PDE4DIP: variants seen among roughly 807,000 people sequenced by gnomAD.
PDE4DIP encodes the protein myomegalin.
In PDE4DIP, 59 loss-of-function variants were observed where a neutral mutation model predicts 221.4. The observed-to-expected ratio is 0.27, with a 90% CI of 0.22 to 0.33. The LOEUF (loss-of-function observed/expected upper bound fraction) is 0.33, where lower values mean the gene tolerates loss of function less well. Among genes scored for constraint, PDE4DIP ranks in the 10% least tolerant of loss-of-function variants. The pLI, the probability that PDE4DIP is intolerant of heterozygous loss-of-function variation, is 1.00. For missense variants in PDE4DIP, 1,036 were observed against 2,154.2 expected (o/e 0.48, Z 10.28); for synonymous variants, 404 against 815.9 (o/e 0.50, Z 8.60).
At chr1:148,961,690 A>G in intron 6 of PDE4DIP, 147 bp from the exon 10 acceptor site, 1 of 550,466 alleles carries the variant, frequency 1.8e-6, no homozygotes, top group Non-Finnish European at 3.3e-6. Flanking sequence ...TTGACTTACC[A>G]CTTTAATGGT....
At chr1:148,890,197 T>TCACCTTG (rs1553435390) in intron 1 of PDE4DIP, among the ~76,000 whole-genome samples, 428 of 49,070 alleles carry the variant, frequency 8.7e-3, no homozygotes, top group South Asian at 0.025. Flanking sequence ...TGGTTTAAAA[T>TCACCTTG]GTAGATTCCA....
At chr1:149,016,259 A>T (rs1553610487) in intron 32 of PDE4DIP, 40 bp from the exon 36 acceptor site, 1 of 1,606,484 alleles carries the variant, frequency 6.2e-7, no homozygotes, top group East Asian at 2.2e-5. Flanking sequence ...TTCCCTTCTG[A>T]CACCCCATTT....
At chr1:148,970,666 AG>A (rs2059046201) in intron 14 of PDE4DIP, among the ~76,000 whole-genome samples, 1 of 152,218 alleles carries the variant, frequency 6.6e-6, no homozygotes, top group East Asian at 1.9e-4. Flanking sequence ...GTGATGCTGC[AG>A]GTTCGGGGAC....
intron 1 of PDE4DIP, among the ~76,000 whole-genome samples, chr1:148,814,792 G>A (rs1553354718): frequency 2.9e-5 from 2 of 67,862 alleles, no homozygotes; most frequent in Non-Finnish European, 5.6e-5. Context: ...TAATCTGAAG[G>A]GGAGAGGGTT....
intron 4 of PDE4DIP, among the ~76,000 whole-genome samples, chr1:148,934,469 G>A (rs2048756199): frequency 2.0e-5 from 3 of 152,210 alleles, no homozygotes; most frequent in Admixed American, 6.5e-5. Flanking sequence ...AAAGAGATGA[G>A]CAAAGTTTGA....
intron 3 of PDE4DIP, among the ~76,000 whole-genome samples, chr1:148,869,801 A>AG (rs1216643151): frequency 8.4e-6 from 1 of 118,952 alleles, no homozygotes; most frequent in African/African-American, 3.5e-5. Context: ...AAAAAAAAAA[A>AG]GGAAGAAAGA....
At chr1:148,952,109 C>T (rs1182524003) in intron 5 of PDE4DIP, 2 of 1,022,536 alleles carry the variant, frequency 2.0e-6, no homozygotes, top group Non-Finnish European at 2.3e-6. Context: ...GCCTCGACAT[C>T]CTGCAGAGGC....
At chr1:148,998,422 C>T (rs1553569422) in intron 23 of PDE4DIP, 47 bp downstream of exon 26, 1 of 1,116,912 alleles carries the variant, frequency 9.0e-7, no homozygotes, top group Non-Finnish European at 1.4e-6. Flanking sequence ...TCATGAGGCA[C>T]CACAGCCAAG....
intron 21 of PDE4DIP, chr1:148,983,376 C>T (rs1349194067): frequency 6.6e-6 from 1 of 152,024 alleles, no homozygotes; most frequent in African/African-American, 2.4e-5. Context: ...TGTTAATAAT[C>T]ACTCCTACTT....
At chr1:148,961,648 A>T (rs587724802) in intron 6 of PDE4DIP, among the ~76,000 whole-genome samples, 189 bp from the exon 10 acceptor site, 123 of 152,192 alleles carry the variant, frequency 8.1e-4, no homozygotes, top group African/African-American at 2.8e-3. Flanking sequence ...TGAAGGAAGT[A>T]TTTCATTTCT....
In PDE4DIP at chr1:148,843,570, T is replaced by C. The variant is rs1274587906; in HGVS notation, c.234-19680T>C. Among the ~76,000 whole-genome samples the C allele has an allele frequency of 2.2e-5, 2 of 90,304 alleles. 1 individual carries two copies. Among genetic ancestry groups the C allele is most frequent in the Non-Finnish European group, 4.3e-5 (2 of 46,972 alleles). The allele number at this position is 90,304 out of a possible 152,430, so 59.2% of individuals were successfully genotyped here. ...AAAAAAAGGTCAGTGATAGTGCTAA[T>C]AATAACAGTGATTATGTCATTTAAT... On this transcript the variant is annotated intron_variant, in intron 1 of 45. Transcript: ENST00000524974.
intron 5 of PDE4DIP, among the ~76,000 whole-genome samples, chr1:148,960,101 C>T (rs1399588229): frequency 6.6e-6 from 1 of 152,306 alleles, no homozygotes; most frequent in Admixed American, 6.5e-5. Flanking sequence ...AGGACAAGGA[C>T]ATCTCTTATA....
chr1:149,025,375 C>A (rs79717534), intron 38 of PDE4DIP, among the ~76,000 whole-genome samples: 10 of 151,658 alleles, frequency 6.6e-5, no homozygotes, highest in Non-Finnish European at 1.0e-4. Context: ...ATGTTCCTGC[C>A]CCTAAGGAAA....
intron 21 of PDE4DIP, chr1:148,981,653 C>A: frequency 2.2e-6 from 1 of 445,236 alleles, no homozygotes; most frequent in Non-Finnish European, 4.1e-6. Context: ...GTGGAGGTTG[C>A]AAAGTGTATT....
chr1:148,923,378 T>A (rs1200971562), intron 1 of PDE4DIP, among the ~76,000 whole-genome samples: 4 of 151,146 alleles, frequency 2.6e-5, no homozygotes, highest in African/African-American at 9.8e-5. Flanking sequence ...TCCTTCTTTG[T>A]TCTCTTGTTG....
intron 1 of PDE4DIP, among the ~76,000 whole-genome samples, chr1:148,925,481 A>G (rs1178634632): frequency 7.9e-6 from 1 of 126,406 alleles, no homozygotes; most frequent in Non-Finnish European, 1.6e-5. Context: ...GAACACAGAA[A>G]TGCTGAGGTC....
At chr1:149,024,202 C>T (rs2074325783) in intron 37 of PDE4DIP, 1 of 394,886 alleles carries the variant, frequency 2.5e-6, no homozygotes, top group Admixed American at 4.2e-5. Flanking sequence ...CTTCATCTGC[C>T]AATCAAATGC....
chr1:149,010,536 A>G (rs781924968), exon 31 of PDE4DIP: 3 of 1,613,800 alleles, frequency 1.9e-6, no homozygotes, highest in Admixed American at 1.7e-5. Flanking sequence ...TCCAACAGCA[A>G]CCCCATCAGC....
chr1:148,881,512 CTT>C (rs1553424585), intron 3 of PDE4DIP, among the ~76,000 whole-genome samples: 2 of 130,846 alleles, frequency 1.5e-5, no homozygotes, highest in Admixed American at 7.6e-5. Context: ...CATGGTAACT[CTT>C]TGTTTAACCC....
Sources: allele counts gnomAD v4.1 joint callset (sites outside exome capture counted in the v4.1 genomes callset), GRCh38; gene constraint gnomAD v4.1.1; transcripts MANE v1.5; gene names NCBI Gene and HGNC (gene_info 2026-07-23, HGNC 2026-07-21).